The following RIMS1 variants were observed in gnomAD, a reference collection of about 807,000 sequenced individuals.
RIMS1 encodes regulating synaptic membrane exocytosis protein 1.
Under a neutral mutation model 214.1 loss-of-function variants are expected in RIMS1, and 83 were observed. The observed-to-expected ratio is 0.39, with a 90% CI of 0.32 to 0.47. RIMS1 has a LOEUF of 0.47. RIMS1 is among the 20% of genes least tolerant of loss of function. The pLI, the probability that RIMS1 is intolerant of heterozygous loss-of-function variation, is 0.99. For synonymous variants in RIMS1, 793 were observed against 786.8 expected (o/e 1.01, Z -0.13); for missense variants, 2,050 against 2,161.8 (o/e 0.95, Z 1.03).
At chr6:71,940,097 T>G (rs1238474601) in intron 1 of RIMS1, among the ~76,000 whole-genome samples, 5 of 152,192 alleles carry the variant, frequency 3.3e-5, no homozygotes, top group Admixed American at 3.3e-4. Flanking sequence ...TGTTCCTTAA[T>G]AACTACTCAA....
chr6:71,909,123 G>A (rs1380380820), intron 1 of RIMS1, among the ~76,000 whole-genome samples: 3 of 152,076 alleles, frequency 2.0e-5, no homozygotes, highest in Admixed American at 6.6e-5. Flanking sequence ...TGGAGCAGAT[G>A]GGACTACAGG....
chr6:72,006,839 G>T (rs910417505), intron 2 of RIMS1, among the ~76,000 whole-genome samples: 5 of 152,210 alleles, frequency 3.3e-5, no homozygotes, highest in African/African-American at 1.2e-4. Context: ...GCTCGAACTT[G>T]GTGGAGCCCA....
intron 1 of RIMS1, among the ~76,000 whole-genome samples, chr6:71,894,946 ATTTG>A (rs1300284890): frequency 6.6e-6 from 1 of 152,166 alleles, no homozygotes; most frequent in African/African-American, 2.4e-5. Context: ...ATTATTTAGT[ATTTG>A]TTTGTATTAC....
intron 29 of RIMS1, among the ~76,000 whole-genome samples, chr6:72,343,492 C>CT (rs764125827): frequency 0.043 from 2,440 of 57,380 alleles, 116 homozygotes; most frequent in African/African-American, 0.072. Flanking sequence ...TCTTCTTCTT[C>CT]TTTTTTTTTT....
chr6:72,247,535 CAAAAA>C (rs10717559), intron 11 of RIMS1, among the ~76,000 whole-genome samples: 6 of 104,026 alleles, frequency 5.8e-5, no homozygotes, highest in Non-Finnish European at 9.4e-5. Context: ...AACTCTGTCT[CAAAAA>C]AAAAAAAAAA....
At chr6:72,061,740 T>C (rs1353017316) in intron 2 of RIMS1, among the ~76,000 whole-genome samples, 2 of 152,268 alleles carry the variant, frequency 1.3e-5, no homozygotes, top group African/African-American at 4.8e-5. Context: ...AGGTGGTCAA[T>C]GTATTACATG....
At position 72,298,246 on chromosome 6, in the gene RIMS1, G is replaced by T. The variant is rs148114639; in HGVS notation, c.3850+6200G>T. Among the ~76,000 whole-genome samples, 794 of 151,978 alleles carry T rather than the reference G, an allele frequency of 5.2e-3. 4 individuals are homozygous for T. Among genetic ancestry groups the T allele is most frequent in the East Asian group, 0.024 (126 of 5,178 alleles). On this transcript the variant is annotated intron_variant, in intron 26 of 33. Coordinates refer to ENST00000521978, the MANE Select transcript of RIMS1 (RefSeq NM_014989.7). ...TCAAAGCATTACTAATGGTAGATAG[G>T]CTATATTGAGCACTTACTATATGTC...
chr6:71,906,354 A>T (rs1010452923), intron 1 of RIMS1, among the ~76,000 whole-genome samples: 2 of 152,174 alleles, frequency 1.3e-5, no homozygotes, highest in African/African-American at 4.8e-5. Flanking sequence ...AAATAACATT[A>T]CACCAACAGC....
intron 2 of RIMS1, among the ~76,000 whole-genome samples, chr6:72,048,605 A>G (rs1186321892): frequency 1.3e-5 from 2 of 152,216 alleles, no homozygotes; most frequent in East Asian, 1.9e-4. Context: ...TACTACCATA[A>G]TGAAGGATCT....
intron 2 of RIMS1, among the ~76,000 whole-genome samples, chr6:72,083,836 C>T (rs1834006537): frequency 6.6e-6 from 1 of 152,096 alleles, no homozygotes; most frequent in African/African-American, 2.4e-5. Context: ...TAAATAACTT[C>T]CTCATGGTCA....
At chr6:72,228,919 G>A (rs1184774615) in intron 6 of RIMS1, among the ~76,000 whole-genome samples, 1 of 151,758 alleles carries the variant, frequency 6.6e-6, no homozygotes, top group Non-Finnish European at 1.5e-5. Flanking sequence ...TTTATGTTGA[G>A]TATCTTTGGT....
intron 29 of RIMS1, among the ~76,000 whole-genome samples, chr6:72,362,014 T>TTGTAA (rs2097847322): frequency 1.3e-5 from 2 of 150,260 alleles, no homozygotes; most frequent in Non-Finnish European, 2.9e-5. Context: ...TTGTATTGTA[T>TTGTAA]TGTATTGTAA....
intron 28 of RIMS1, chr6:72,316,915 G>T (rs2095834546): frequency 1.3e-6 from 1 of 745,178 alleles, no homozygotes; most frequent in Admixed American, 1.9e-5. Context: ...AGCCACCCAA[G>T]AACTGAGGTG....
At chr6:72,171,528 G>C (rs1327269351) in intron 4 of RIMS1, among the ~76,000 whole-genome samples, 1 of 151,968 alleles carries the variant, frequency 6.6e-6, no homozygotes, top group Non-Finnish European at 1.5e-5. Context: ...CTATATTTCA[G>C]GCACTATGCT....
At chr6:72,227,691 AG>A in intron 6 of RIMS1, among the ~76,000 whole-genome samples, 2 of 152,128 alleles carry the variant, frequency 1.3e-5, no homozygotes, top group South Asian at 4.1e-4. Flanking sequence ...ATGGCACCAC[AG>A]GGCTTCAAAC....
In RIMS1 at chr6:72,103,570, A is replaced by G. The variant is rs74390769; in HGVS notation, c.471+3584A>G. Among the ~76,000 whole-genome samples the G allele has an allele frequency of 8.0e-3, 1,211 of 152,222 alleles. 9 individuals carry two copies. Among genetic ancestry groups the G allele is most frequent in the Non-Finnish European group, 0.015 (987 of 67,974 alleles). ...TTAGAAAATTAGCCTTTTCTAGTAT[A>G]AGGAAAGGGCTATGGTAGAAAGAGC... On this transcript the variant is annotated intron_variant, in intron 4 of 33. Coordinates refer to ENST00000521978, the MANE Select transcript of RIMS1 (RefSeq NM_014989.7).
At chr6:72,346,887 A>G (rs535318917) in intron 29 of RIMS1, among the ~76,000 whole-genome samples, 1 of 151,876 alleles carries the variant, frequency 6.6e-6, no homozygotes, top group African/African-American at 2.4e-5. Flanking sequence ...CAAAGTTATA[A>G]ATATTTACTG....
Position 72,333,774 on chromosome 6 carries a change from T to C in RIMS1, c.4305T>C (p.Ser1435=). The stretch of plus-strand genomic sequence containing the variant: ...GAAAGAAACGGAGATCCAGCCTTAG[T>C]GCCAAAGTGGTTGCCATAGTGTCTC... The part of the protein sequence containing the change: ...AGGKKRRSSL[S]AKVVAIVSRR... Residue 1435 remains serine, a synonymous_variant, in exon 29 of 34, where the codon AGT becomes AGC. Transcript: ENST00000521978. 1 of 1,598,610 alleles carries C rather than the reference T, an allele frequency of 6.3e-7. No homozygotes were observed. Among genetic ancestry groups the C allele is most frequent in the Non-Finnish European group, 8.5e-7 (1 of 1,172,446 alleles).
chr6:72,196,603 T>TTTTTTTTTTTTTTTTA lies in RIMS1; in HGVS notation c.1678+13454_1678+13455insTTTTTTTTTTTTTTTA, dbSNP rs780611745. Among the ~76,000 whole-genome samples, 32 of 132,278 alleles carry TTTTTTTTTTTTTTTTA rather than the reference T, an allele frequency of 2.4e-4. 1 individual carries two copies. Among genetic ancestry groups the TTTTTTTTTTTTTTTTA allele is most frequent in the South Asian group, 5.0e-4 (2 of 4,000 alleles). The allele number at this position is 132,278 out of a possible 152,430, so 86.8% of individuals were successfully genotyped here. On this transcript the variant is annotated intron_variant, in intron 6 of 33. Transcript: ENST00000521978. ...CACTTTTTTTTTTTTTTTTTTTTTT[T>TTTTTTTTTTTTTTTTA]ACCTATACAGGAAATGGGTTAAAAG...
Sources: gnomAD v4.1 joint callset for allele counts (sites outside exome capture counted in the v4.1 genomes callset) on GRCh38, gnomAD v4.1.1 for gene constraint, MANE v1.5 for transcripts, NCBI Gene and HGNC (gene_info 2026-07-23, HGNC 2026-07-21) for gene names.